Variants in PTCHD4 observed in about 807,000 individuals in gnomAD.
PTCHD4 encodes the protein patched domain-containing protein 4.
A neutral mutation model predicts 58.1 loss-of-function variants in PTCHD4; 33 were observed. The ratio of observed to expected loss-of-function variants is 0.57; its 90% CI spans 0.43 to 0.76. The LOEUF is 0.76. Ranked by LOEUF, PTCHD4 falls within the 30% of genes least tolerant of loss-of-function variation. PTCHD4 has a pLI of 0.00. For missense variants in PTCHD4, 1,058 were observed against 1,027.1 expected (o/e 1.03, Z -0.41); for synonymous variants, 478 against 409.6 (o/e 1.17, Z -2.02).
chr6:47,985,019 G>A (rs546548119), intron 4 of PTCHD4, among the ~76,000 whole-genome samples: 3 of 152,096 alleles, frequency 2.0e-5, no homozygotes, highest in African/African-American at 4.8e-5. Flanking sequence ...TTCCAAATAT[G>A]GGAATTTCAA....
chr6:47,977,889 G>GATTCTAAA (rs1767753529), intron 4 of PTCHD4, among the ~76,000 whole-genome samples: 1 of 152,036 alleles, frequency 6.6e-6, no homozygotes, highest in Admixed American at 6.6e-5. Context: ...TCTTTTAGTG[G>GATTCTAAA]ATTAATTTTA....
chr6:48,101,573 A>G (rs1765603616), intron 1 of PTCHD4, among the ~76,000 whole-genome samples: 1 of 152,180 alleles, frequency 6.6e-6, no homozygotes, highest in Non-Finnish European at 1.5e-5. Context: ...ACAGTTGATG[A>G]GTGGAGATAT....
At chr6:48,109,386 A>G (rs1765813373) in intron 1 of PTCHD4, among the ~76,000 whole-genome samples, 1 of 152,150 alleles carries the variant, frequency 6.6e-6, no homozygotes, top group Non-Finnish European at 1.5e-5. Context: ...AAGTAGTAAA[A>G]CATAACCAAG....
Position 47,879,821 on chromosome 6 carries a change from G to GGTATA in PTCHD4, c.1009_1013dup (p.Met339IlefsTer3). On this transcript the variant is annotated frameshift_variant, in exon 5 of 5. Coordinates refer to ENST00000339488, the MANE Select transcript of PTCHD4 (RefSeq NM_001384253.1). LOFTEE classifies it high-confidence loss of function. ...TGATGAAGTACAGGGAGCTGGTCAT[G>GGTATA]GTATAGGTGACCATCACATCAGAAT... is the stretch of plus-strand genomic sequence containing the variant. The GGTATA allele has an allele frequency of 6.2e-7, 1 of 1,613,218 alleles. No homozygotes were observed. Among genetic ancestry groups the GGTATA allele is most frequent in the Non-Finnish European group, 8.5e-7 (1 of 1,179,564 alleles).
Position 47,957,937 on chromosome 6 carries a change from A to G in PTCHD4, c.898+50697T>C, listed in dbSNP as rs377271447. 3.9e-5 allele frequency among the ~76,000 whole-genome samples: 6 copies of G among 152,134 alleles called. No individual in the cohort carries two copies. In the South Asian group the frequency reaches 6.2e-4, roughly 16 times the overall value. ...AAATTTTTAAGATATATACACATCA[A>G]TGCTAAGCAAAGTCTGTCCATTGGA... On this transcript the variant is annotated intron_variant, in intron 4 of 4. Coordinates refer to ENST00000339488, the MANE Select transcript of PTCHD4 (RefSeq NM_001384253.1).
chr6:47,886,045 C>T (rs544488341), intron 4 of PTCHD4, among the ~76,000 whole-genome samples: 1 of 151,754 alleles, frequency 6.6e-6, no homozygotes, highest in African/African-American at 2.4e-5. Flanking sequence ...CTCAAACTCC[C>T]GACCTCAAGT....
In PTCHD4 at chr6:47,878,985, T is replaced by C. The variant is rs1561935369; in HGVS notation, c.1850A>G (p.Lys617Arg). 1 of 1,613,212 alleles carries C rather than the reference T, an allele frequency of 6.2e-7. No homozygotes were observed. The highest frequency in any genetic ancestry group is 1.1e-5 in the South Asian group (1 of 91,074). The change falls in exon 5 of 5, where the codon AAA becomes AGA. Residue 617 changes from lysine to arginine, a missense_variant. By Grantham distance (26) the Lys-to-Arg change is conservative (BLOSUM62 2). Coordinates refer to ENST00000339488, the MANE Select transcript of PTCHD4 (RefSeq NM_001384253.1). ...CTTTTCCAACACTTCTGTGATTTCTTTCTGCTTGTCTCTGCTAGTCCTGGC... is the reference window on the plus strand; with the variant it reads ...CTTTTCCAACACTTCTGTGATTTCTCTCTGCTTGTCTCTGCTAGTCCTGGC... ...LVARTSRDKQ[K>R]EITEVLEKLR...
At chr6:48,009,161 A>C (rs945596936) in intron 3 of PTCHD4, 47 bp from the exon 4 acceptor site, 39 of 1,535,916 alleles carry the variant, frequency 2.5e-5, no homozygotes, top group Non-Finnish European at 2.9e-5. Flanking sequence ...TGTATATTCC[A>C]GGGAATAGAT....
At position 47,878,272 on chromosome 6, in the gene PTCHD4, A is replaced by G; in HGVS notation, c.*31T>C. ...GCCCTGCATCATTGTGCAATACTGGAAAAGAAAAATAATCCACTGGTCTAT... is the reference window on the plus strand; with the variant it reads ...GCCCTGCATCATTGTGCAATACTGGGAAAGAAAAATAATCCACTGGTCTAT... On this transcript the variant is annotated 3_prime_UTR_variant, in exon 5 of 5. Coordinates refer to ENST00000339488, the MANE Select transcript of PTCHD4 (RefSeq NM_001384253.1). The G allele has an allele frequency of 1.3e-6, 2 of 1,534,044 alleles. 1 individual carries two copies. The highest frequency in any genetic ancestry group is 3.5e-4 in the Middle Eastern group (2 of 5,640).
chr6:47,967,409 T>TAAGA (rs1767334409), intron 4 of PTCHD4, among the ~76,000 whole-genome samples: 1 of 152,182 alleles, frequency 6.6e-6, no homozygotes, highest in South Asian at 2.1e-4. Context: ...GCATAATTCT[T>TAAGA]AAGAGCCCTA....
chr6:48,006,026 G>A (rs1046749565), intron 4 of PTCHD4, among the ~76,000 whole-genome samples: 1 of 152,054 alleles, frequency 6.6e-6, no homozygotes, highest in African/African-American at 2.4e-5. Context: ...CCAAACAAAT[G>A]CCCCCTTTAT....
intron 4 of PTCHD4, among the ~76,000 whole-genome samples, chr6:47,956,629 T>C (rs1436594476): frequency 6.6e-6 from 1 of 151,736 alleles, no homozygotes; most frequent in African/African-American, 2.4e-5. Flanking sequence ...GAGACGGGGT[T>C]TCACCGTGTT....
chr6:48,028,628 C>T (rs1208417589), intron 3 of PTCHD4, among the ~76,000 whole-genome samples: 1 of 152,080 alleles, frequency 6.6e-6, no homozygotes, highest in South Asian at 2.1e-4. Context: ...AATTAAAGGG[C>T]TTTCTTTACC....
In PTCHD4 at chr6:47,866,536, T is replaced by A; in HGVS notation, c.*11767A>T. 6.6e-6 allele frequency among the ~76,000 whole-genome samples: 1 copy of A among 151,876 alleles called. No individual in the cohort carries two copies. Among genetic ancestry groups the A allele is most frequent in the Non-Finnish European group, 1.5e-5 (1 of 67,872 alleles). ...GTTGTTGGATTTATCTCCATTCTAC[T>A]TCTGTGAACAGATGTCCTCCTCGTG... On this transcript the variant is annotated 3_prime_UTR_variant, in exon 5 of 5. Transcript: ENST00000339488.
chr6:47,946,322 T>A (rs1339447698), intron 4 of PTCHD4, among the ~76,000 whole-genome samples: 2 of 152,196 alleles, frequency 1.3e-5, no homozygotes, highest in East Asian at 3.8e-4. Flanking sequence ...AAATTTTTAA[T>A]TTATTTTCAT....
At chr6:48,037,143 C>G in intron 3 of PTCHD4, among the ~76,000 whole-genome samples, 1 of 152,220 alleles carries the variant, frequency 6.6e-6, no homozygotes, top group East Asian at 1.9e-4. Flanking sequence ...TGTATTATCT[C>G]ACGTCATGAC....
chr6:48,071,944 C>G (rs655703), intron 1 of PTCHD4, among the ~76,000 whole-genome samples: 25,908 of 152,032 alleles, frequency 0.17, 2,383 homozygotes, highest in African/African-American at 0.24. Flanking sequence ...ATTTTTGGGA[C>G]GAAGAACAGA....
chr6:47,970,648 G>T (rs965475357), intron 4 of PTCHD4, among the ~76,000 whole-genome samples: 9 of 152,136 alleles, frequency 5.9e-5, no homozygotes, highest in Non-Finnish European at 1.2e-4. Context: ...TAAAACTGAA[G>T]GTTTTAGAGG....
At chr6:47,963,777 A>G (rs1767187634) in intron 4 of PTCHD4, among the ~76,000 whole-genome samples, 2 of 152,122 alleles carry the variant, frequency 1.3e-5, no homozygotes, top group African/African-American at 4.8e-5. Flanking sequence ...TTTAATCGTT[A>G]CAATACTGTC....
Sources: allele counts gnomAD v4.1 joint callset (sites outside exome capture counted in the v4.1 genomes callset), GRCh38; gene constraint gnomAD v4.1.1; transcripts MANE v1.5; gene names NCBI Gene and HGNC (gene_info 2026-07-23, HGNC 2026-07-21).